Variants in ASB17 observed in about 807,000 individuals in gnomAD.
ASB17 encodes ankyrin repeat and SOCS box containing 17.
In ASB17, 26 loss-of-function variants were observed where a neutral mutation model predicts 25.7. That is an observed-to-expected ratio of 1.01 (90% CI 0.74 to 1.40). ASB17 has a LOEUF of 1.40. Among genes scored for constraint, ASB17 ranks in the 40% most tolerant of loss-of-function variants. ASB17 has a pLI of 0.00. For synonymous variants in ASB17, 128 were observed against 121.4 expected (o/e 1.05, Z -0.36); for missense variants, 326 against 338.5 (o/e 0.96, Z 0.29).
intron 2 of ASB17, 112 bp from the exon 3 acceptor site, chr1:75,919,270 A>C: frequency 1.3e-6 from 1 of 771,104 alleles, no homozygotes; most frequent in East Asian, 2.8e-5. Flanking sequence ...AAATTTATAA[A>C]ACCCTTATAA....
At chr1:75,922,497 T>C (rs1199689961) in intron 1 of ASB17, 138 bp from the exon 2 acceptor site, 3 of 603,716 alleles carry the variant, frequency 5.0e-6, no homozygotes, top group African/African-American at 4.3e-5. Context: ...TCTTTTTTTT[T>C]TTTTTTTTTT....
intron 2 of ASB17, among the ~76,000 whole-genome samples, chr1:75,920,179 C>T (rs972830136): frequency 7.2e-5 from 11 of 152,136 alleles, no homozygotes; most frequent in African/African-American, 2.7e-4. Flanking sequence ...GCTTCATACA[C>T]AAGAAGGCCT....
intron 2 of ASB17, 145 bp downstream of exon 2, chr1:75,921,935 A>G (rs771906625): frequency 1.5e-6 from 1 of 665,464 alleles, no homozygotes; most frequent in Non-Finnish European, 2.4e-6. Flanking sequence ...GATTTTCCCT[A>G]TTATTTTTAT....
intron 1 of ASB17, among the ~76,000 whole-genome samples, chr1:75,925,565 C>G (rs560525987): frequency 6.6e-6 from 1 of 152,110 alleles, no homozygotes; most frequent in South Asian, 2.1e-4. Flanking sequence ...TTACTGTAAA[C>G]CAGAATTTGC....
chr1:75,924,429 T>TA (rs1653114577), intron 1 of ASB17, among the ~76,000 whole-genome samples: 1 of 152,098 alleles, frequency 6.6e-6, no homozygotes, highest in Non-Finnish European at 1.5e-5. Context: ...TTTTGTAATT[T>TA]AAAAAATAGT....
At position 75,922,189 on chromosome 1, in the gene ASB17, C is replaced by G; in HGVS notation, c.572G>C (p.Arg191Thr). ...TTCACGATCAACCATTACTCTTACT[C>G]TCGAAGGGTAGAGTACTATTGTTAA... Reference protein sequence around the residue: ...IVLTIVLYPSRVRVMVDRELA... With the variant: ...IVLTIVLYPSTVRVMVDRELA... Residue 191 changes from arginine (R) to threonine (T), a missense_variant, in exon 2 of 3, where the codon AGA (arginine) becomes ACA (threonine). By Grantham distance (71) the Arg-to-Thr change is moderately conservative. Coordinates refer to ENST00000284142, the MANE Select transcript of ASB17 (RefSeq NM_080868.3). The G allele has an allele frequency of 1.2e-6, 2 of 1,613,798 alleles. No homozygotes were observed. The highest frequency in any genetic ancestry group is 1.7e-6 in the Non-Finnish European group (2 of 1,179,790).
chr1:75,918,981 G>A lies in ASB17; in HGVS notation c.859C>T (p.Leu287=), dbSNP rs1435608349. 1.2e-6 allele frequency: 2 copies of A among 1,612,668 alleles called. No individual in the cohort carries two copies. The highest frequency in any genetic ancestry group is 2.7e-5 in the African/African-American group (2 of 75,022). The stretch of plus-strand genomic sequence containing the variant: ...ATTTCTAAATTCAGATAGTTTTGTA[G>A]ACGAGCAGGAATTAGAAGTGAAAAT... The part of the protein sequence containing the change: ...GIFSLLIPAR[L]QNYLNLEI Residue 287 remains leucine (L), a synonymous_variant, in exon 3 of 3, where the codon CTA becomes TTA. Transcript: ENST00000284142.
intron 1 of ASB17, among the ~76,000 whole-genome samples, chr1:75,930,626 G>A (rs1259317465): frequency 6.6e-6 from 1 of 152,076 alleles, no homozygotes; most frequent in Non-Finnish European, 1.5e-5. Flanking sequence ...ATGCATCTAA[G>A]TTGAAATTGA....
At chr1:75,922,396 G>C (rs769216057) in intron 1 of ASB17, 37 bp from the exon 2 acceptor site, 1 of 1,413,402 alleles carries the variant, frequency 7.1e-7, no homozygotes, top group Admixed American at 2.3e-5. Flanking sequence ...ATTGGATATA[G>C]AATTAAGAAA....
rs919434293 is a variant in ASB17 at position 75,928,051 on chromosome 1, G to A, written c.401+3840C>T. Among the ~76,000 whole-genome samples the A allele has an allele frequency of 3.9e-5, 6 of 152,106 alleles. No individual in the cohort carries two copies. In the East Asian group the frequency reaches 5.8e-4, roughly 15 times the overall value. ...TCTATCTAGATTACATGTCTTCAAGGGAAAGAAAGAAGAAACTCTTTGTTA... is the reference window on the plus strand; with the variant it reads ...TCTATCTAGATTACATGTCTTCAAGAGAAAGAAAGAAGAAACTCTTTGTTA... On this transcript the variant is annotated intron_variant, in intron 1 of 2. Coordinates refer to ENST00000284142, the MANE Select transcript of ASB17 (RefSeq NM_080868.3).
At chr1:75,930,275 G>C (rs1434068107) in intron 1 of ASB17, among the ~76,000 whole-genome samples, 2 of 143,596 alleles carry the variant, frequency 1.4e-5, no homozygotes, top group African/African-American at 5.1e-5. Flanking sequence ...TTTATATTTA[G>C]TTATATATAT....
intron 2 of ASB17, 111 bp downstream of exon 2, chr1:75,921,969 T>A: frequency 1.1e-6 from 1 of 917,532 alleles, no homozygotes; most frequent in South Asian, 1.9e-5. Context: ...CTCAATGATC[T>A]GTCACTGGAC....
In ASB17 at chr1:75,932,235, G is replaced by C. The variant is rs200724844; in HGVS notation, c.57C>G (p.Phe19Leu). 2 of 1,613,798 alleles carry C rather than the reference G, an allele frequency of 1.2e-6. No homozygotes were observed. The highest frequency in any genetic ancestry group is 2.7e-5 in the African/African-American group (2 of 75,046). The change falls in exon 1 of 3, where the codon TTC (phenylalanine) becomes TTG (leucine). Residue 19 changes from phenylalanine (F) to leucine (L), a missense_variant. Phe to Leu is a conservative substitution (Grantham distance 22, BLOSUM62 0). Coordinates refer to ENST00000284142, the MANE Select transcript of ASB17 (RefSeq NM_080868.3). ...GKTSCPRSNI[F>L]CNLLDKIVKR... ...TAACAATTTTGTCAAGGAGATTGCA[G>C]AATATATTGCTTCTTGGACAAGAAG...
intron 1 of ASB17, among the ~76,000 whole-genome samples, chr1:75,922,925 G>A (rs1421761504): frequency 2.0e-5 from 3 of 152,152 alleles, no homozygotes; most frequent in African/African-American, 7.2e-5. Context: ...TATAATATAT[G>A]TAAAGTGTTT....
intron 1 of ASB17, among the ~76,000 whole-genome samples, chr1:75,923,936 T>C (rs1475335247): frequency 2.0e-5 from 3 of 152,128 alleles, no homozygotes; most frequent in African/African-American, 4.8e-5. Flanking sequence ...ATAAAAGATA[T>C]AGTTCTTGAC....
intron 1 of ASB17, among the ~76,000 whole-genome samples, chr1:75,928,992 T>A (rs1033585498): frequency 6.6e-6 from 1 of 152,172 alleles, no homozygotes; most frequent in Non-Finnish European, 1.5e-5. Flanking sequence ...AGATGGTATT[T>A]ATACTGTGAC....
intron 1 of ASB17, among the ~76,000 whole-genome samples, chr1:75,923,994 C>T (rs1653101131): frequency 6.6e-6 from 1 of 151,996 alleles, no homozygotes; most frequent in South Asian, 2.1e-4. Context: ...AAATACAATA[C>T]AAGGTGATAA....
rs778122393 is a variant in ASB17, at chr1:75,919,126, A to G, written c.714T>C (p.Ile238=). 7 of 1,612,556 alleles carry G rather than the reference A, an allele frequency of 4.3e-6. No homozygotes were observed. In the East Asian group the frequency reaches 1.6e-4, roughly 36 times the overall value. The change falls in exon 3 of 3, where the codon ATT becomes ATC. Residue 238 remains isoleucine, a synonymous_variant. Coordinates refer to ENST00000284142, the MANE Select transcript of ASB17 (RefSeq NM_080868.3). ...AAGGAATGTAATCAAACCAATTTGA[A>G]ATAATTGGATGTCTTCCTAAACTCA... ...TQLSLGRHPI[I]SNWFDYIPST... is the part of the protein sequence containing the mutation.
intron 1 of ASB17, among the ~76,000 whole-genome samples, chr1:75,930,088 A>T (rs1042336436): frequency 6.6e-6 from 1 of 151,584 alleles, no homozygotes; most frequent in Non-Finnish European, 1.5e-5. Context: ...CAAAGTCAAC[A>T]CTGGGGATAA....
Sources: gnomAD v4.1 joint callset for allele counts (sites outside exome capture counted in the v4.1 genomes callset) on GRCh38, gnomAD v4.1.1 for gene constraint, MANE v1.5 for transcripts, NCBI Gene and HGNC (gene_info 2026-07-23, HGNC 2026-07-21) for gene names.